The following CPNE2 variants were observed in gnomAD, a reference collection of about 807,000 sequenced individuals.
CPNE2 encodes copine-2.
A neutral mutation model predicts 69.7 loss-of-function variants in CPNE2; 42 were observed. The ratio of observed to expected loss-of-function variants is 0.60; its 90% CI spans 0.47 to 0.78. The LOEUF (loss-of-function observed/expected upper bound fraction) is 0.78. Ranked by LOEUF, CPNE2 falls within the 30% of genes least tolerant of loss-of-function variation. The pLI, the probability that CPNE2 is intolerant of heterozygous loss-of-function variation, is 0.00. For synonymous variants in CPNE2, 294 were observed against 289.8 expected, an observed-to-expected ratio of 1.01 and a Z score of -0.15; for missense variants, 587 against 732.0, an observed-to-expected ratio of 0.80 and a Z score of 2.29.
rs1342396368 is a variant in CPNE2 at position 57,117,550 on chromosome 16, A to T, written c.490A>T (p.Arg164Trp). ...CGTCATCACACTAAGCCTGGCGGGC[A>T]GGAGGCTGGACAAGAAGGTAAGGCG... ...NRVITLSLAG[R>W]RLDKKDLFGK... Residue 164 changes from arginine to tryptophan, a missense_variant, in exon 5 of 16, where the codon AGG becomes TGG. Physicochemically the swap from Arg to Trp is moderately radical, Grantham distance 101. Transcript: ENST00000290776. The T allele has an allele frequency of 6.2e-7, 1 of 1,613,972 alleles. No homozygotes were observed. Among genetic ancestry groups the T allele is most frequent in the South Asian group, 1.1e-5 (1 of 91,028 alleles).
intron 1 of CPNE2, among the ~76,000 whole-genome samples, chr16:57,095,576 G>GA (rs2069573657): frequency 6.6e-6 from 1 of 152,172 alleles, no homozygotes; most frequent in Admixed American, 6.5e-5. Flanking sequence ...AGGTTCAGGC[G>GA]ATTCTTGTGC....
intron 1 of CPNE2, chr16:57,094,145 G>C (rs2069563148): frequency 4.4e-6 from 2 of 453,116 alleles, no homozygotes; most frequent in East Asian, 7.0e-5. Flanking sequence ...ACCCAGGCAG[G>C]TTTCTCCATG....
chr16:57,133,549 G>A (rs2069853851), intron 12 of CPNE2, among the ~76,000 whole-genome samples: 1 of 152,152 alleles, frequency 6.6e-6, no homozygotes, highest in Non-Finnish European at 1.5e-5. Flanking sequence ...ATGCAGGAGA[G>A]CCTCCCAGTA....
At chr16:57,139,762 A>G (rs976977) in intron 14 of CPNE2, among the ~76,000 whole-genome samples, 139,488 of 152,226 alleles carry the variant, frequency 0.92, 64,117 homozygotes, top group Middle Eastern at 0.98. Flanking sequence ...GGCAGTAGAG[A>G]ATCTGTGGGA....
In CPNE2 at chr16:57,123,054, T is replaced by G. The variant is rs887002348; in HGVS notation, c.868-360T>G. The stretch of plus-strand genomic sequence containing the variant: ...AAGGCCTTGAGCTGGAGGCCTGCTC[T>G]TTCTCTTTGTTAAAAAGGTAGATTA... On this transcript the variant is annotated intron_variant, in intron 9 of 15. Coordinates refer to ENST00000290776, the MANE Select transcript of CPNE2 (RefSeq NM_152727.6). Among the ~76,000 whole-genome samples the G allele has an allele frequency of 2.6e-5, 4 of 152,186 alleles. No homozygotes were observed. In the South Asian group the frequency reaches 8.3e-4, roughly 31 times the overall value.
chr16:57,102,827 C>T (rs1054221756), intron 1 of CPNE2, among the ~76,000 whole-genome samples: 4 of 152,076 alleles, frequency 2.6e-5, no homozygotes, highest in African/African-American at 7.2e-5. Flanking sequence ...GTCTTGAGCT[C>T]CCGACTTCGG....
Position 57,125,956 on chromosome 16 carries a change from A to C in CPNE2, c.1024A>C (p.Ile342Leu). 6.2e-7 allele frequency: 1 copy of C among 1,614,178 alleles called. No homozygotes were observed. The highest frequency in any genetic ancestry group is 8.5e-7 in the Non-Finnish European group (1 of 1,180,036). ...GGGCACCAACGAATATCTGTCGGCCATCTGGGCTGTTGGGCAGATCATTCA... is the reference window on the plus strand; with the variant it reads ...GGGCACCAACGAATATCTGTCGGCCCTCTGGGCTGTTGGGCAGATCATTCA... The part of the protein sequence containing the change: ...PMGTNEYLSA[I>L]WAVGQIIQDY... The change falls in exon 11 of 16, where the codon ATC (isoleucine) becomes CTC (leucine). Residue 342 changes from isoleucine to leucine, a missense_variant. Ile to Leu is a conservative substitution (Grantham distance 5). Coordinates refer to ENST00000290776, the MANE Select transcript of CPNE2 (RefSeq NM_152727.6).
At chr16:57,103,562 C>G (rs1228721569) in intron 1 of CPNE2, among the ~76,000 whole-genome samples, 6 of 152,236 alleles carry the variant, frequency 3.9e-5, no homozygotes, top group African/African-American at 9.6e-5. Context: ...GGGCTGCCTC[C>G]CTGGCCACCT....
At chr16:57,107,531 C>A (rs932343936) in intron 1 of CPNE2, among the ~76,000 whole-genome samples, 1 of 152,124 alleles carries the variant, frequency 6.6e-6, no homozygotes, top group Non-Finnish European at 1.5e-5. Flanking sequence ...TGCACCGTGG[C>A]CTGGGTGAAA....
In CPNE2 at chr16:57,146,096, C is replaced by T. The variant is rs1434273369; in HGVS notation, c.1314C>T (p.Ile438=). The change falls in exon 15 of 16, where the codon ATC becomes ATT. Residue 438 remains isoleucine (I), a synonymous_variant. Coordinates refer to ENST00000290776, the MANE Select transcript of CPNE2 (RefSeq NM_152727.6). This position sits in a 1 kb window ranked among gnomAD's most constrained non-coding sequence, Gnocchi z 4.4. ...TQQRTATQYF[I]LLIITDGVIS... ...CCCCCTCCCTGCAGCAGTACTTCAT[C>T]CTCCTCATCATCACGGACGGGGTCA... 1.2e-6 allele frequency: 2 copies of T among 1,604,304 alleles called. No homozygotes were observed. The highest frequency in any genetic ancestry group is 8.5e-7 in the Non-Finnish European group (1 of 1,175,106).
At chr16:57,105,391 G>A (rs1800587095) in intron 1 of CPNE2, among the ~76,000 whole-genome samples, 1 of 152,066 alleles carries the variant, frequency 6.6e-6, no homozygotes, top group South Asian at 2.1e-4. Context: ...TCCTCGCTGG[G>A]GTCAGTGGAC....
In CPNE2 at chr16:57,146,321, C is replaced by A. The variant is rs372028402; in HGVS notation, c.1539C>A (p.Asn513Lys). Residue 513 changes from asparagine to lysine, a missense_variant and splice_region_variant, in exon 15 of 16, where the codon AAC (asparagine) becomes AAA (lysine). Around this residue, in one of 5 missense-constraint regions of CPNE2, gnomAD observed 185 missense variants for 252.3 expected, o/e 0.73. Coordinates refer to ENST00000290776, the MANE Select transcript of CPNE2 (RefSeq NM_152727.6). The surrounding 1 kb of genome is among the most constrained non-coding windows in gnomAD (Gnocchi z 4.4). Reference sequence around the variant, plus strand: ...TCGTTCCCTTTCGAGAGTTCCGCAACGTGAGTGTGGGCCTGGGCTGGGAGG... The same window carrying A: ...TCGTTCCCTTTCGAGAGTTCCGCAAAGTGAGTGTGGGCCTGGGCTGGGAGG... The part of the protein sequence containing the change: ...VQFVPFREFR[N>K]AAKETLAKAV... 6 of 1,547,506 alleles carry A rather than the reference C, an allele frequency of 3.9e-6. No homozygotes were observed. In the East Asian group the frequency reaches 9.8e-5, roughly 25 times the overall value.
chr16:57,119,619 T>C lies in CPNE2; in HGVS notation c.650T>C (p.Leu217Pro). Residue 217 changes from leucine (L) to proline (P), a missense_variant, in exon 7 of 16, where the codon CTG (leucine) becomes CCG (proline). Transcript: ENST00000290776. ...CCATTCACAGTGCCCTTGGTGTCCC[T>C]GTGTGATGGGGACATGGAGAAGCCC... ...WKPFTVPLVS[L>P]CDGDMEKPIQ... 1 of 1,612,584 alleles carries C rather than the reference T, an allele frequency of 6.2e-7. No homozygotes were observed. The highest frequency in any genetic ancestry group is 8.5e-7 in the Non-Finnish European group (1 of 1,179,368).
At chr16:57,098,713 C>CTTTTCACTCTTCCTCA (rs1343421988) in intron 1 of CPNE2, among the ~76,000 whole-genome samples, 1 of 152,208 alleles carries the variant, frequency 6.6e-6, no homozygotes, top group Non-Finnish European at 1.5e-5. Flanking sequence ...TTCCTCTCAC[C>CTTTTCACTCTTCCTCA]TTTTCACTCT....
intron 1 of CPNE2, chr16:57,094,206 T>C: frequency 2.5e-6 from 1 of 400,880 alleles, no homozygotes; most frequent in Non-Finnish European, 5.0e-6. Context: ...TTTGCGGCCG[T>C]CACTTCCTGT....
In CPNE2 at chr16:57,121,654, C is replaced by G. The variant is rs1567669283; in HGVS notation, c.781-20C>G. The G allele has an allele frequency of 6.2e-7, 1 of 1,613,332 alleles. No homozygotes were observed. Among genetic ancestry groups the G allele is most frequent in the African/African-American group, 1.3e-5 (1 of 75,006 alleles). On this transcript the variant is annotated intron_variant, in intron 8 of 15. Coordinates refer to ENST00000290776, the MANE Select transcript of CPNE2 (RefSeq NM_152727.6). The stretch of plus-strand genomic sequence containing the variant: ...CAAAGAAGCCCCGAGGTGAGTGTCT[C>G]TTTCTTTTGCGTTGCCCAGCTGGAG...
rs1403517878 is a variant in CPNE2 at position 57,134,901 on chromosome 16, A to G, written c.1168+75A>G. Reference sequence around the variant, plus strand: ...CCAGCTCCCTGGGTGGAGGGAGGGCAGAGGACAGGTTTTCATTTCTTTCTC... The same window carrying G: ...CCAGCTCCCTGGGTGGAGGGAGGGCGGAGGACAGGTTTTCATTTCTTTCTC... On this transcript the variant is annotated intron_variant, in intron 13 of 15. Transcript: ENST00000290776. 7 of 1,466,864 alleles carry G rather than the reference A, an allele frequency of 4.8e-6. No homozygotes were observed. In the Admixed American group the frequency reaches 1.2e-4, roughly 25 times the overall value. 90.9% of individuals were successfully genotyped at this position (1,466,864 alleles called of 1,614,324 possible). A position where few individuals can be genotyped will look rare whatever the true frequency, so the allele number is the denominator to read the frequency against.
intron 12 of CPNE2, chr16:57,129,275 C>A (rs1240149631): frequency 1.3e-5 from 2 of 152,502 alleles, no homozygotes; most frequent in African/African-American, 4.8e-5. Context: ...CTAAAGGCCT[C>A]TCCTGGCTGC....
intron 1 of CPNE2, among the ~76,000 whole-genome samples, chr16:57,101,387 C>T (rs150653220): frequency 1.0e-3 from 155 of 152,316 alleles, no homozygotes; most frequent in African/African-American, 3.3e-3. Context: ...ATTCAAGATA[C>T]GTTCCAACCC....
Sources: allele counts gnomAD v4.1 joint callset (sites outside exome capture counted in the v4.1 genomes callset), GRCh38; gene constraint gnomAD v4.1.1; regional missense constraint gnomAD v4.1.1; non-coding constraint Gnocchi (gnomAD v3.1); transcripts MANE v1.5; gene names NCBI Gene and HGNC (gene_info 2026-07-23, HGNC 2026-07-21).